The following TLN2 variants were observed in gnomAD, a reference collection of about 807,000 sequenced individuals.
TLN2 encodes talin 2.
TLN2 carries 118 observed loss-of-function variants against 294.7 expected under a neutral mutation model. That is an observed-to-expected ratio of 0.40 (90% confidence interval 0.34 to 0.47). TLN2 has a LOEUF of 0.47. Among genes scored for constraint, TLN2 ranks in the 20% least tolerant of loss-of-function variants. The pLI is 0.84. For synonymous variants in TLN2, 1,431 were observed against 1,304.5 expected, an observed-to-expected ratio of 1.10 and a Z score of -2.09; for missense variants, 3,083 against 3,282.2, an observed-to-expected ratio of 0.94 and a Z score of 1.48.
At chr15:62,425,785 G>C (rs1301868370) in intron 1 of TLN2, among the ~76,000 whole-genome samples, 1 of 152,184 alleles carries the variant, frequency 6.6e-6, no homozygotes, top group Non-Finnish European at 1.5e-5. Flanking sequence ...GACTCAGTTG[G>C]TATGCAGCAT....
At chr15:62,614,984 T>G (rs1440751284) in intron 2 of TLN2, among the ~76,000 whole-genome samples, 1 of 152,124 alleles carries the variant, frequency 6.6e-6, no homozygotes, top group Non-Finnish European at 1.5e-5. Context: ...TTTTGTGTTT[T>G]TAGTAGAGAT....
At chr15:62,404,421 C>G (rs909429935) in intron 1 of TLN2, among the ~76,000 whole-genome samples, 2 of 152,098 alleles carry the variant, frequency 1.3e-5, no homozygotes, top group African/African-American at 4.8e-5. Context: ...TCACTCATCC[C>G]CAGAGTCCAC....
chr15:62,521,304 G>A (rs1007923588), intron 1 of TLN2, among the ~76,000 whole-genome samples: 1 of 152,172 alleles, frequency 6.6e-6, no homozygotes, highest in African/African-American at 2.4e-5. Context: ...GGGGGGTACA[G>A]GGGAAAGCCC....
At chr15:62,828,371 G>GGGAAA (rs2068424978) in intron 54 of TLN2, 1 of 152,250 alleles carries the variant, frequency 6.6e-6, no homozygotes, top group Admixed American at 6.5e-5. Context: ...AGGGGAAGGG[G>GGGAAA]GAAAAGAACA....
In TLN2 at chr15:62,796,162, C is replaced by G; in HGVS notation, c.5919C>G (p.Asn1973Lys). ...SLVLSALQAG[N>K]KGTQACITAA... ...TGCTCTCGGCTCTCCAGGCCGGGAA[C>G]AAAGGAACCCAGGCATGCATTACAG... Residue 1973 changes from asparagine (N) to lysine (K), a missense_variant, in exon 47 of 59, where the codon AAC (asparagine) becomes AAG (lysine). Physicochemically the swap from Asn to Lys is moderately conservative, Grantham distance 94. Coordinates refer to ENST00000636159, the MANE Select transcript of TLN2 (RefSeq NM_015059.3). The G allele has an allele frequency of 6.2e-7, 1 of 1,614,264 alleles. No homozygotes were observed. Among genetic ancestry groups the G allele is most frequent in the Non-Finnish European group, 8.5e-7 (1 of 1,180,044 alleles).
chr15:62,810,146 ACTGTGAGG>A, intron 52 of TLN2, 114 bp downstream of exon 52: 2 of 849,208 alleles, frequency 2.4e-6, no homozygotes, highest in South Asian at 3.0e-5. Flanking sequence ...GTCCATTGCC[ACTGTGAGG>A]CTGGGACTGG....
chr15:62,614,566 A>G (rs1250610912), intron 2 of TLN2, among the ~76,000 whole-genome samples: 1 of 152,170 alleles, frequency 6.6e-6, no homozygotes, highest in Non-Finnish European at 1.5e-5. Flanking sequence ...TCGAAAGAAC[A>G]TTCACTTCTT....
chr15:62,562,583 G>A (rs1006675430), intron 1 of TLN2, among the ~76,000 whole-genome samples: 2 of 151,070 alleles, frequency 1.3e-5, no homozygotes, highest in African/African-American at 2.5e-5. Flanking sequence ...GGAACAGGTG[G>A]TGTTTGGTTA....
At chr15:62,506,292 A>C (rs1464331722) in intron 1 of TLN2, among the ~76,000 whole-genome samples, 1 of 152,104 alleles carries the variant, frequency 6.6e-6, no homozygotes, top group African/African-American at 2.4e-5. Context: ...GGTTTAGGCT[A>C]CCCTCTGGGA....
Position 62,393,444 on chromosome 15 carries a change from G to A in TLN2, c.-238+2759G>A, listed in dbSNP as rs113827369. 7.6e-3 allele frequency among the ~76,000 whole-genome samples: 1,156 copies of A among 152,184 alleles called. 9 individuals carry two copies. The highest frequency in any genetic ancestry group is 0.011 in the Non-Finnish European group (748 of 68,008). On this transcript the variant is annotated intron_variant, in intron 1 of 58. Transcript: ENST00000636159. The stretch of plus-strand genomic sequence containing the variant: ...TAGAGTATTTTTAAGTGAAATTAGG[G>A]TTTAGGAAGAGGTGAGTATGTTATT...
chr15:62,763,792 G>A lies in TLN2; in HGVS notation c.5094+97G>A, dbSNP rs562954327. ...GGGGTAGAGGTTGTAGGGCCAAAAT[G>A]TTTCTGTTGCTGGAGTTTCACCATT... is the stretch of plus-strand genomic sequence containing the variant. On this transcript the variant is annotated intron_variant, in intron 40 of 58. Transcript: ENST00000636159. 1.1e-5 allele frequency: 15 copies of A among 1,416,182 alleles called. No homozygotes were observed. In the African/African-American group the frequency reaches 1.4e-4, roughly 14 times the overall value. The allele number at this position is 1,416,182 out of a possible 1,614,324, so 87.7% of individuals were successfully genotyped here.
At chr15:62,432,015 C>G (rs1161935087) in intron 1 of TLN2, among the ~76,000 whole-genome samples, 1 of 152,172 alleles carries the variant, frequency 6.6e-6, no homozygotes. Flanking sequence ...TCTTTTAGCT[C>G]CTGAATGCAG....
chr15:62,716,429 T>A lies in TLN2; in HGVS notation c.2733T>A (p.Ala911=). The A allele has an allele frequency of 1.2e-6, 2 of 1,608,418 alleles. No homozygotes were observed. The highest frequency in any genetic ancestry group is 2.3e-5 in the East Asian group (1 of 44,382). ...RVATNAAAQN[A]IKKKIVNRLE... is the part of the protein sequence containing the mutation. ...CAACCAACGCAGCTGCCCAGAATGCTATTAAGAAAAAAATTGTCAACCGAC... is the reference window on the plus strand; with the variant it reads ...CAACCAACGCAGCTGCCCAGAATGCAATTAAGAAAAAAATTGTCAACCGAC... Residue 911 remains alanine, a synonymous_variant, in exon 23 of 59, where the codon GCT becomes GCA. Coordinates refer to ENST00000636159, the MANE Select transcript of TLN2 (RefSeq NM_015059.3).
At chr15:62,806,972 G>A (rs543506802) in intron 51 of TLN2, among the ~76,000 whole-genome samples, 3 of 152,244 alleles carry the variant, frequency 2.0e-5, no homozygotes, top group Admixed American at 6.5e-5. Flanking sequence ...GGGTGATGAC[G>A]GAATTTGTGT....
intron 16 of TLN2, 64 bp from the exon 17 acceptor site, chr15:62,701,042 G>T: frequency 2.9e-6 from 4 of 1,379,154 alleles, no homozygotes; most frequent in Non-Finnish European, 3.0e-6. Context: ...TTATGGCGGG[G>T]CTTCTCCGGT....
At chr15:62,587,297 C>T (rs1306200597) in intron 1 of TLN2, among the ~76,000 whole-genome samples, 1 of 152,194 alleles carries the variant, frequency 6.6e-6, no homozygotes, top group East Asian at 1.9e-4. Context: ...TAAGTAGCTC[C>T]ATTGTATTCT....
intron 1 of TLN2, among the ~76,000 whole-genome samples, chr15:62,426,885 T>G (rs2034747249): frequency 6.6e-6 from 1 of 152,188 alleles, no homozygotes; most frequent in African/African-American, 2.4e-5. Flanking sequence ...CTGTGCTTGT[T>G]AAAATGGCAG....
chr15:62,686,010 G>T (rs2057258336), intron 11 of TLN2, among the ~76,000 whole-genome samples: 1 of 150,708 alleles, frequency 6.6e-6, no homozygotes, highest in Non-Finnish European at 1.5e-5. Flanking sequence ...ATCTGTCTCT[G>T]TCTTTAATTT....
At chr15:62,750,973 ATTGTT>A (rs141785831) in intron 34 of TLN2, among the ~76,000 whole-genome samples, 96 of 152,062 alleles carry the variant, frequency 6.3e-4, no homozygotes, top group Non-Finnish European at 1.1e-3. Flanking sequence ...GGAGGGTGAA[ATTGTT>A]TTGTTTTGTT....
Sources: gnomAD v4.1 joint callset for allele counts (sites outside exome capture counted in the v4.1 genomes callset) on GRCh38, gnomAD v4.1.1 for gene constraint, MANE v1.5 for transcripts, NCBI Gene and HGNC (gene_info 2026-07-23, HGNC 2026-07-21) for gene names.